ALDH1L2: variants seen among roughly 807,000 people sequenced by gnomAD.
ALDH1L2 encodes the protein aldehyde dehydrogenase 1 family member L2.
ALDH1L2 carries 91 observed loss-of-function variants against 111.0 expected under a neutral mutation model. That is an observed-to-expected ratio of 0.82 (90% confidence interval 0.69 to 0.98). ALDH1L2 has a LOEUF of 0.98. Among genes scored for constraint, ALDH1L2 ranks in the 50% least tolerant of loss-of-function variants. The pLI is 0.00. For missense variants in ALDH1L2, 995 were observed against 1,126.8 expected (o/e 0.88, Z 1.67); for synonymous variants, 374 against 392.6 (o/e 0.95, Z 0.56).
At chr12:105,060,848 A>G (rs1309981754) in intron 9 of ALDH1L2, 133 bp downstream of exon 9, 1 of 569,162 alleles carries the variant, frequency 1.8e-6, no homozygotes, top group Non-Finnish European at 2.9e-6. Context: ...AAAAAAAAAA[A>G]GATGAGTCAT....
intron 1 of ALDH1L2, among the ~76,000 whole-genome samples, chr12:105,082,117 C>G (rs1878362464): frequency 6.6e-6 from 1 of 152,168 alleles, no homozygotes; most frequent in Non-Finnish European, 1.5e-5. Context: ...TTGCTTGAAC[C>G]CCGGAGGCAG....
chr12:105,049,348 T>C (rs1301279487), intron 13 of ALDH1L2, among the ~76,000 whole-genome samples: 1 of 152,228 alleles, frequency 6.6e-6, no homozygotes, highest in Non-Finnish European at 1.5e-5. Context: ...CTCAAGCCTT[T>C]GTTTGCTCAC....
rs1182914849 is a variant in ALDH1L2, at chr12:105,031,496, T to C, written c.2410+273A>G. ...CTTTGTTTTATTTTGTTTTGTTTTG[T>C]TTGAGACAGAGTCTCAGTCTGTTGC... On this transcript the variant is annotated intron_variant, in intron 20 of 22. Transcript: ENST00000258494. Among the ~76,000 whole-genome samples the C allele has an allele frequency of 2.0e-5, 3 of 152,162 alleles. No individual in the cohort carries two copies. The East Asian group carries it at 5.8e-4, about 29-fold the overall frequency.
Position 105,073,856 on chromosome 12 carries a change from C to G in ALDH1L2, c.193+5G>C. The stretch of plus-strand genomic sequence containing the variant: ...CTTGACCCAGTCATCCCAAGATGCA[C>G]TCACCCAGAGGGTCAGCTTTTCCAT... On this transcript the variant is annotated splice_donor_5th_base_variant and intron_variant, in intron 2 of 22. Coordinates refer to ENST00000258494, the MANE Select transcript of ALDH1L2 (RefSeq NM_001034173.4). 8.1e-6 allele frequency: 13 copies of G among 1,613,970 alleles called. No individual in the cohort carries two copies. Among genetic ancestry groups the G allele is most frequent in the Non-Finnish European group, 1.0e-5 (12 of 1,180,000 alleles).
chr12:105,075,930 C>T (rs767846674), intron 1 of ALDH1L2, among the ~76,000 whole-genome samples: 3 of 152,132 alleles, frequency 2.0e-5, no homozygotes, highest in Non-Finnish European at 2.9e-5. Context: ...GGATTACAGG[C>T]ACACACCACC....
intron 19 of ALDH1L2, 50 bp from the exon 20 acceptor site, chr12:105,031,984 G>A (rs1367812847): frequency 5.0e-6 from 8 of 1,585,094 alleles, no homozygotes; most frequent in Non-Finnish European, 6.9e-6. Flanking sequence ...AATAATAATG[G>A]AGTTTCTACC....
At chr12:105,041,479 C>A (rs1383259865) in intron 15 of ALDH1L2, among the ~76,000 whole-genome samples, 5 of 152,204 alleles carry the variant, frequency 3.3e-5, no homozygotes, top group Non-Finnish European at 7.3e-5. Flanking sequence ...GATTATTTGG[C>A]AAATGTGGTC....
At chr12:105,024,847 T>C (rs1292914213) in intron 22 of ALDH1L2, among the ~76,000 whole-genome samples, 4 of 152,208 alleles carry the variant, frequency 2.6e-5, no homozygotes, top group Non-Finnish European at 4.4e-5. Flanking sequence ...TCTCTTTTAT[T>C]TCCCTACTTG....
At chr12:105,051,764 C>G (rs927515699) in intron 12 of ALDH1L2, among the ~76,000 whole-genome samples, 2 of 150,666 alleles carry the variant, frequency 1.3e-5, no homozygotes, top group African/African-American at 2.4e-5. Context: ...AGGTAGTAGA[C>G]TCACTTTGTT....
Position 105,052,053 on chromosome 12 carries a change from CT to C in ALDH1L2, c.1535+36del, listed in dbSNP as rs768723165. 7 of 1,512,044 alleles carry C rather than the reference CT, an allele frequency of 4.6e-6. No homozygotes were observed. In the African/African-American group the frequency reaches 1.0e-4, roughly 22 times the overall value. The allele number at this position is 1,512,044 out of a possible 1,614,324, so 93.7% of individuals were successfully genotyped here. Reference sequence around the variant, plus strand: ...TGAACCCCTGTCTCTACCAGAGTTACTTTTCTAAAAAATAAAAAAATAAAAA... The same window carrying C: ...TGAACCCCTGTCTCTACCAGAGTTACTTTCTAAAAAATAAAAAAATAAAAA... On this transcript the variant is annotated intron_variant, in intron 12 of 22. Transcript: ENST00000258494.
rs200985367 is a variant in ALDH1L2, at chr12:105,070,782, C to T, written c.216G>A (p.Gly72=). The T allele has an allele frequency of 3.0e-5, 49 of 1,613,364 alleles. No individual in the cohort carries two copies. In the Admixed American group the frequency reaches 4.3e-4, roughly 14 times the overall value. The change falls in exon 3 of 23, where the codon GGG becomes GGA. Residue 72 remains glycine, a synonymous_variant. Coordinates refer to ENST00000258494, the MANE Select transcript of ALDH1L2 (RefSeq NM_001034173.4). ...ATTTAGGAAGCTTGAACACAGGGGT[C>T]CCATCTTTCTCTGCAGCCAAAGCTG... The part of the protein sequence containing the change: ...DPLALAAEKD[G]TPVFKLPKWR...
intron 1 of ALDH1L2, among the ~76,000 whole-genome samples, chr12:105,079,251 C>G (rs1039448452): frequency 2.6e-5 from 4 of 152,132 alleles, no homozygotes; most frequent in Non-Finnish European, 5.9e-5. Flanking sequence ...TTGTAACAAA[C>G]TCTCATACTA....
At chr12:105,067,893 GCA>G (rs1308904311) in intron 4 of ALDH1L2, among the ~76,000 whole-genome samples, 2 of 152,176 alleles carry the variant, frequency 1.3e-5, no homozygotes, top group Non-Finnish European at 2.9e-5. Context: ...CAGATGCTTT[GCA>G]CAAATAGTGT....
Position 105,070,557 on chromosome 12 carries a change from GA to G in ALDH1L2, c.428+12del, listed in dbSNP as rs751252453. The stretch of plus-strand genomic sequence containing the variant: ...CCATCTCAAAAAAAAAAAGTAAAAA[GA>G]AAAAATCTCACCAATTGATAGCAGA... On this transcript the variant is annotated intron_variant, in intron 3 of 22. Transcript: ENST00000258494. 1.3e-6 allele frequency: 2 copies of G among 1,588,150 alleles called. No individual in the cohort carries two copies. Among genetic ancestry groups the G allele is most frequent in the African/African-American group, 1.4e-5 (1 of 73,436 alleles).
At chr12:105,037,753 A>C (rs993083712) in intron 18 of ALDH1L2, among the ~76,000 whole-genome samples, 1 of 150,468 alleles carries the variant, frequency 6.6e-6, no homozygotes, top group Non-Finnish European at 1.5e-5. Flanking sequence ...TTTAGAAGCA[A>C]GCACCTATTT....
At chr12:105,083,005 C>A (rs1402310273) in intron 1 of ALDH1L2, among the ~76,000 whole-genome samples, 1 of 152,214 alleles carries the variant, frequency 6.6e-6, no homozygotes, top group South Asian at 2.1e-4. Flanking sequence ...TACAGTTAGA[C>A]CCTGATCACG....
intron 4 of ALDH1L2, 149 bp from the exon 5 acceptor site, chr12:105,066,818 A>G (rs1052823741): frequency 1.2e-5 from 8 of 655,596 alleles, no homozygotes; most frequent in Non-Finnish European, 1.9e-5. Context: ...CTTCAGGTCC[A>G]TCCTGACAAG....
At position 105,058,071 on chromosome 12, in the gene ALDH1L2, A is replaced by G; in HGVS notation, c.1287+2T>C. On this transcript the variant is annotated splice_donor_variant, in intron 10 of 22. Transcript: ENST00000258494. LOFTEE classifies it high-confidence loss of function. The stretch of plus-strand genomic sequence containing the variant: ...GGGTTGCAACATCAAGGAAAAGCTT[A>G]CATAATCTACAACCAGCTCCACCTC... The G allele has an allele frequency of 6.2e-7, 1 of 1,611,458 alleles. No homozygotes were observed. Among genetic ancestry groups the G allele is most frequent in the Non-Finnish European group, 8.5e-7 (1 of 1,179,092 alleles).
chr12:105,077,432 A>C (rs1047293050), intron 1 of ALDH1L2, among the ~76,000 whole-genome samples: 6 of 151,380 alleles, frequency 4.0e-5, no homozygotes, highest in Non-Finnish European at 7.4e-5. Context: ...CGTCATGCCC[A>C]GCTAATTTTT....
Sources: allele counts gnomAD v4.1 joint callset (sites outside exome capture counted in the v4.1 genomes callset), GRCh38; gene constraint gnomAD v4.1.1; transcripts MANE v1.5; gene names NCBI Gene and HGNC (gene_info 2026-07-23, HGNC 2026-07-21).